The following EPS15 variants were observed in gnomAD, a reference collection of about 807,000 sequenced individuals.
The protein encoded by EPS15 is epidermal growth factor receptor pathway substrate 15.
EPS15 carries 72 observed loss-of-function variants against 113.8 expected under a neutral mutation model. The observed-to-expected ratio is 0.63, with a 90% CI of 0.52 to 0.77. EPS15 has a LOEUF of 0.77. EPS15 is among the 30% of genes least tolerant of loss of function. The pLI, the probability that EPS15 is intolerant of heterozygous loss-of-function variation, is 0.00. For synonymous variants in EPS15, 344 were observed against 363.4 expected, an observed-to-expected ratio of 0.95 and a Z score of 0.61; for missense variants, 1,048 against 1,045.8, an observed-to-expected ratio of 1.00 and a Z score of -0.03.
rs575258764 is a variant in EPS15 at position 51,450,262 on chromosome 1, C to A, written c.562-2127G>T. Among the ~76,000 whole-genome samples the A allele has an allele frequency of 1.2e-3, 177 of 151,780 alleles. 3 individuals carry two copies. The highest frequency in any genetic ancestry group is 4.1e-3 in the African/African-American group (170 of 41,136). On this transcript the variant is annotated intron_variant, in intron 8 of 24. Transcript: ENST00000371733. The stretch of plus-strand genomic sequence containing the variant: ...CACTGGGGGGGGCTGTATTTTAGTC[C>A]GTTTTTGTATTGCTATAAATAAATA...
intron 20 of EPS15, among the ~76,000 whole-genome samples, chr1:51,396,314 T>C (rs1647935566): frequency 6.6e-6 from 1 of 152,208 alleles, no homozygotes. Flanking sequence ...AGCATCCTTA[T>C]CTGAAATGCT....
chr1:51,414,760 A>G (rs1341151335), intron 13 of EPS15, among the ~76,000 whole-genome samples: 1 of 152,192 alleles, frequency 6.6e-6, no homozygotes, highest in Admixed American at 6.5e-5. Flanking sequence ...AAAAAACACA[A>G]TTTACCTTAA....
intron 2 of EPS15, among the ~76,000 whole-genome samples, chr1:51,476,226 T>C (rs184483238): frequency 1.3e-5 from 2 of 152,328 alleles, no homozygotes; most frequent in African/African-American, 2.4e-5. Flanking sequence ...GTAGTTTTTT[T>C]CCAATTCTGT....
At chr1:51,433,270 C>CT (rs141634870) in intron 12 of EPS15, among the ~76,000 whole-genome samples, 6,440 of 152,322 alleles carry the variant, frequency 0.042, 207 homozygotes, top group Middle Eastern at 0.11. Context: ...ATCCTGTACT[C>CT]TAAGTGCTGA....
intron 4 of EPS15, among the ~76,000 whole-genome samples, chr1:51,470,446 A>C (rs1570374346): frequency 6.6e-6 from 1 of 152,046 alleles, no homozygotes; most frequent in South Asian, 2.1e-4. Context: ...GGAGTTCAAG[A>C]CCAGCCTGGC....
intron 21 of EPS15, among the ~76,000 whole-genome samples, chr1:51,374,339 G>A (rs527744324): frequency 1.2e-4 from 18 of 152,252 alleles, no homozygotes; most frequent in South Asian, 4.2e-4. Flanking sequence ...GTATCCTGCC[G>A]GGTACGGTTG....
intron 12 of EPS15, among the ~76,000 whole-genome samples, chr1:51,422,743 C>T (rs1650875858): frequency 6.6e-6 from 1 of 152,222 alleles, no homozygotes; most frequent in African/African-American, 2.4e-5. Flanking sequence ...ACACACACAC[C>T]TCCCTTCACT....
chr1:51,430,131 C>CA (rs1651587180), intron 12 of EPS15, among the ~76,000 whole-genome samples: 2 of 152,090 alleles, frequency 1.3e-5, no homozygotes, highest in African/African-American at 4.8e-5. Flanking sequence ...GCTAGAAAGG[C>CA]AATAAAACAC....
intron 12 of EPS15, among the ~76,000 whole-genome samples, chr1:51,426,882 T>TAC (rs1191663025): frequency 1.3e-5 from 2 of 151,430 alleles, no homozygotes; most frequent in Non-Finnish European, 2.9e-5. Context: ...TACACATATA[T>TAC]ACACACACAT....
At chr1:51,489,773 G>T (rs1178478767) in intron 1 of EPS15, among the ~76,000 whole-genome samples, 2 of 152,138 alleles carry the variant, frequency 1.3e-5, no homozygotes. Flanking sequence ...GAAAGTTCCA[G>T]TTCCAAGTAG....
intron 12 of EPS15, chr1:51,423,567 T>TA: frequency 1.0e-6 from 1 of 985,386 alleles, no homozygotes; most frequent in Non-Finnish European, 1.2e-6. Flanking sequence ...ACAAGGTCAG[T>TA]ATCAACTCAG....
At chr1:51,426,843 A>C (rs371923995) in intron 12 of EPS15, among the ~76,000 whole-genome samples, 11,765 of 139,080 alleles carry the variant, frequency 0.085, 568 homozygotes, top group South Asian at 0.19. Context: ...CTCTCTATAT[A>C]TATATATATA....
At chr1:51,358,485 G>T (rs72910221) in intron 24 of EPS15, among the ~76,000 whole-genome samples, 2,138 of 152,196 alleles carry the variant, frequency 0.014, 51 homozygotes, top group African/African-American at 0.049. Flanking sequence ...AATCCTTCAT[G>T]AAAGGATGAA....
chr1:51,410,949 T>C (rs897927299), intron 13 of EPS15, among the ~76,000 whole-genome samples: 30 of 152,188 alleles, frequency 2.0e-4, no homozygotes, highest in Non-Finnish European at 1.8e-4. Flanking sequence ...ACTGATATCA[T>C]TTCATATTTT....
intron 9 of EPS15, among the ~76,000 whole-genome samples, chr1:51,447,698 C>A (rs1401881373): frequency 1.3e-5 from 2 of 152,142 alleles, no homozygotes; most frequent in Non-Finnish European, 2.9e-5. Flanking sequence ...GGAGCATCTT[C>A]CATTTCTAAC....
intron 12 of EPS15, chr1:51,423,531 A>C: frequency 1.0e-6 from 1 of 985,140 alleles, no homozygotes; most frequent in Non-Finnish European, 1.2e-6. Flanking sequence ...CCCTCCCCCC[A>C]TCCCAAATCC....
At chr1:51,510,482 T>G (rs901923753) in intron 1 of EPS15, among the ~76,000 whole-genome samples, 2 of 152,134 alleles carry the variant, frequency 1.3e-5, no homozygotes, top group Non-Finnish European at 2.9e-5. Flanking sequence ...TCTAAAAGTA[T>G]TTAGTATTTA....
intron 2 of EPS15, among the ~76,000 whole-genome samples, chr1:51,479,204 G>A (rs988171129): frequency 7.3e-5 from 11 of 151,160 alleles, no homozygotes; most frequent in Non-Finnish European, 1.6e-4. Flanking sequence ...CATTTCATTC[G>A]AGCTTCAACC....
At chr1:51,481,542 A>C (rs1172382540) in intron 1 of EPS15, among the ~76,000 whole-genome samples, 1 of 152,194 alleles carries the variant, frequency 6.6e-6, no homozygotes, top group African/African-American at 2.4e-5. Flanking sequence ...CAAGAATCTT[A>C]AATTTTGTTT....
Sources: allele counts gnomAD v4.1 joint callset (sites outside exome capture counted in the v4.1 genomes callset), GRCh38; gene constraint gnomAD v4.1.1; transcripts MANE v1.5; gene names NCBI Gene and HGNC (gene_info 2026-07-23, HGNC 2026-07-21).